Variants in RSRC2 observed in about 807,000 individuals in gnomAD.
RSRC2 encodes the protein arginine and serine rich coiled-coil 2.
RSRC2 carries 5 observed loss-of-function variants against 61.3 expected under a neutral mutation model. The observed-to-expected ratio is 0.08, with a 90% CI of 0.04 to 0.17. RSRC2 has a LOEUF of 0.17. Among genes scored for constraint, RSRC2 ranks in the 10% least tolerant of loss-of-function variants. The probability of loss-of-function intolerance (pLI) is 1.00; values close to 1 mark genes in which losing one functional copy is unlikely to be tolerated. For synonymous variants in RSRC2, 202 were observed against 166.5 expected (o/e 1.21, Z -1.64); for missense variants, 381 against 518.8 (o/e 0.73, Z 2.58).
chr12:122,512,396 A>G (rs1029886445), intron 6 of RSRC2, among the ~76,000 whole-genome samples: 44 of 152,298 alleles, frequency 2.9e-4, no homozygotes, highest in African/African-American at 1.1e-3. Context: ...CACTATGGGT[A>G]ATACAATGCA....
intron 1 of RSRC2, among the ~76,000 whole-genome samples, chr12:122,524,548 C>A (rs1959770282): frequency 6.6e-6 from 1 of 152,184 alleles, no homozygotes; most frequent in African/African-American, 2.4e-5. Context: ...TCATGCTTAA[C>A]ATCACAAAGC....
Position 122,526,721 on chromosome 12 carries a change from C to T in RSRC2, c.6+127G>A. 5.5e-6 allele frequency: 6 copies of T among 1,096,280 alleles called. No homozygotes were observed. In the South Asian group the frequency reaches 7.8e-5, roughly 14 times the overall value. 67.9% of individuals were successfully genotyped at this position (1,096,280 alleles called of 1,614,324 possible). ...CAGCAGGCAGCCATGATGGCGGGCG[C>T]AGAAGAAGGCCGCGGCGCCATTTTG... On this transcript the variant is annotated intron_variant, in intron 1 of 9. Transcript: ENST00000331738.
chr12:122,511,028 G>A lies in RSRC2; in HGVS notation c.805+81C>T, dbSNP rs2137446551. 7 of 1,013,076 alleles carry A rather than the reference G, an allele frequency of 6.9e-6. No individual in the cohort carries two copies. The South Asian group carries it at 9.0e-5, about 13-fold the overall frequency. The allele number at this position is 1,013,076 out of a possible 1,614,324, so 62.8% of individuals were successfully genotyped here. Reference sequence around the variant, plus strand: ...GGAGCCACTGCACTCCAGTCAGAATGACAGAGCAAATCCCTGTGAAAAACA... The same window carrying A: ...GGAGCCACTGCACTCCAGTCAGAATAACAGAGCAAATCCCTGTGAAAAACA... On this transcript the variant is annotated intron_variant, in intron 7 of 9. Transcript: ENST00000331738.
At chr12:122,521,989 G>A (rs1959265018) in intron 2 of RSRC2, among the ~76,000 whole-genome samples, 154 bp downstream of exon 2, 1 of 152,202 alleles carries the variant, frequency 6.6e-6, no homozygotes, top group South Asian at 2.1e-4. Context: ...CCTGGCTCAG[G>A]TGATCTGCCT....
Position 122,521,417 on chromosome 12 carries a change from T to C in RSRC2, c.175A>G (p.Arg59Gly), listed in dbSNP as rs1191006122. 1.9e-6 allele frequency: 3 copies of C among 1,612,476 alleles called. No homozygotes were observed. The highest frequency in any genetic ancestry group is 1.1e-5 in the South Asian group (1 of 91,032). ...ERKRKSDNEG[R>G]KHRSRSRSKE... ...CTTCTGCTCCGGCTCCTGTGTTTTC[T>C]TCCTTCATTATCTGTGAATACACAA... The change falls in exon 3 of 10, where the codon AGA (arginine) becomes GGA (glycine). Residue 59 changes from arginine to glycine, a missense_variant. Around this residue, in one of 4 missense-constraint regions of RSRC2, gnomAD observed 266 missense variants for 270.5 expected, o/e 0.98. Transcript: ENST00000331738.
chr12:122,526,764 GAA>G (rs1960583017), intron 1 of RSRC2, 82 bp downstream of exon 1: 1 of 1,505,424 alleles, frequency 6.6e-7, no homozygotes, highest in African/African-American at 1.4e-5. Flanking sequence ...ACATACACAC[GAA>G]CAAGGTTCTG....
At chr12:122,509,202 A>C (rs1958315966) in intron 7 of RSRC2, among the ~76,000 whole-genome samples, 1 of 152,006 alleles carries the variant, frequency 6.6e-6, no homozygotes, top group Non-Finnish European at 1.5e-5. Flanking sequence ...TAATCCCAGC[A>C]CTTTAGGAGG....
intron 3 of RSRC2, chr12:122,520,995 AAGC>A (rs1460887368): frequency 9.2e-6 from 2 of 217,374 alleles, no homozygotes; most frequent in Non-Finnish European, 1.9e-5. Flanking sequence ...CATAAGGAAA[AAGC>A]AGCGCACAGA....
At chr12:122,521,663 G>A (rs1850151596) in intron 2 of RSRC2, among the ~76,000 whole-genome samples, 1 of 152,292 alleles carries the variant, frequency 6.6e-6, no homozygotes, top group South Asian at 2.1e-4. Flanking sequence ...AACGGTCATA[G>A]ACTTTCAGTA....
Position 122,508,456 on chromosome 12 carries a change from A to G in RSRC2, c.806-9T>C. On this transcript the variant is annotated splice_polypyrimidine_tract_variant and intron_variant, in intron 7 of 9. Coordinates refer to ENST00000331738, the MANE Select transcript of RSRC2 (RefSeq NM_023012.6). ...ACCTCCAGTAGCTGCAGCTGCTTGA[A>G]GAGAATACAAAAATGGATTTTAAAA... is the stretch of plus-strand genomic sequence containing the variant. 6.2e-7 allele frequency: 1 copy of G among 1,600,692 alleles called. No individual in the cohort carries two copies. The highest frequency in any genetic ancestry group is 8.5e-7 in the Non-Finnish European group (1 of 1,170,186).
intron 1 of RSRC2, chr12:122,523,165 C>T (rs1959482814): frequency 6.6e-6 from 1 of 152,136 alleles, no homozygotes; most frequent in Non-Finnish European, 1.5e-5. Flanking sequence ...CTATTTTAGG[C>T]ATATTTAATA....
intron 3 of RSRC2, chr12:122,520,303 A>AG: frequency 3.0e-6 from 1 of 334,500 alleles, no homozygotes; most frequent in African/African-American, 2.2e-5. Flanking sequence ...ATAGGAGCTT[A>AG]GAAAAGAAAT....
chr12:122,521,557 C>T (rs1040029526), intron 2 of RSRC2, 129 bp from the exon 3 acceptor site: 2 of 736,826 alleles, frequency 2.7e-6, no homozygotes, highest in Admixed American at 4.5e-5. Context: ...TTTCATGGCA[C>T]GGGTGGGATT....
chr12:122,509,620 C>G (rs1958347814), intron 7 of RSRC2, among the ~76,000 whole-genome samples: 1 of 152,054 alleles, frequency 6.6e-6, no homozygotes, highest in African/African-American at 2.4e-5. Context: ...AGAATATAAC[C>G]TTAAAAAGTA....
At chr12:122,514,087 T>C (rs1412635876) in intron 6 of RSRC2, among the ~76,000 whole-genome samples, 1 of 152,138 alleles carries the variant, frequency 6.6e-6, no homozygotes, top group African/African-American at 2.4e-5. Context: ...AAAAAGTCTA[T>C]TTTTCAAAAT....
Position 122,517,221 on chromosome 12 carries a change from AC to A in RSRC2, c.602+5del, listed in dbSNP as rs1565899300. On this transcript the variant is annotated splice_donor_5th_base_variant and intron_variant, in intron 5 of 9. Coordinates refer to ENST00000331738, the MANE Select transcript of RSRC2 (RefSeq NM_023012.6). ...TTAAATTTTATTCAGGATGATGGTC[AC>A]CTACCGACTCCTACTCCTTGTCCTA... 6.2e-7 allele frequency: 1 copy of A among 1,614,074 alleles called. No homozygotes were observed. The highest frequency in any genetic ancestry group is 2.2e-5 in the East Asian group (1 of 44,876).
At chr12:122,514,782 A>T (rs1958785699) in intron 6 of RSRC2, 2 of 1,023,876 alleles carry the variant, frequency 2.0e-6, no homozygotes, top group African/African-American at 1.7e-5. Context: ...AGATGAGAAA[A>T]TAATAGTTCT....
At position 122,505,575 on chromosome 12, in the gene RSRC2, T is replaced by C. The variant is rs745435493; in HGVS notation, c.1257A>G (p.Gly419=). 1 of 1,614,022 alleles carries C rather than the reference T, an allele frequency of 6.2e-7. No individual in the cohort carries two copies. The highest frequency in any genetic ancestry group is 8.5e-7 in the Non-Finnish European group (1 of 1,179,970). ...TTGAAGATGTGAAACCCAAACCCATTCCTCTTTGTGTGTGGGTTTGTGATC... is the reference window on the plus strand; with the variant it reads ...TTGAAGATGTGAAACCCAAACCCATCCCTCTTTGTGTGTGGGTTTGTGATC... ...MARSQTHTQR[G]MGLGFTSSMR... The change falls in exon 10 of 10, where the codon GGA becomes GGG. Residue 419 remains glycine, a synonymous_variant. Transcript: ENST00000331738.
chr12:122,515,948 C>G (rs1224526729), intron 5 of RSRC2, among the ~76,000 whole-genome samples: 1 of 152,064 alleles, frequency 6.6e-6, no homozygotes, highest in Non-Finnish European at 1.5e-5. Context: ...AAGATTGTGC[C>G]ATCGCACTCC....
Sources: allele counts gnomAD v4.1 joint callset (sites outside exome capture counted in the v4.1 genomes callset), GRCh38; gene constraint gnomAD v4.1.1; regional missense constraint gnomAD v4.1.1; transcripts MANE v1.5; gene names NCBI Gene and HGNC (gene_info 2026-07-23, HGNC 2026-07-21).